CRHR2: variants seen among roughly 807,000 people sequenced by gnomAD.
CRHR2 encodes corticotropin-releasing hormone receptor 2.
Under a neutral mutation model 57.9 loss-of-function variants are expected in CRHR2, and 53 were observed. That is an observed-to-expected ratio of 0.92 (90% CI 0.73 to 1.15). The LOEUF is 1.15. CRHR2 is among the 50% of genes most tolerant of loss of function. CRHR2 has a pLI of 0.00. For synonymous variants in CRHR2, 213 were observed against 220.9 expected, an observed-to-expected ratio of 0.96 and a Z score of 0.32; for missense variants, 532 against 542.6, an observed-to-expected ratio of 0.98 and a Z score of 0.19.
chr7:30,662,588 G>A (rs1444832898), intron 6 of CRHR2, 106 bp downstream of exon 6: 5 of 1,398,300 alleles, frequency 3.6e-6, no homozygotes, highest in South Asian at 1.3e-5. Flanking sequence ...CTGCGCTGGG[G>A]GTGGAGGGCA....
intron 6 of CRHR2, 29 bp from the exon 7 acceptor site, chr7:30,662,245 G>A: frequency 6.2e-7 from 1 of 1,612,844 alleles, no homozygotes; most frequent in Non-Finnish European, 8.5e-7. Flanking sequence ...TGGGCTGCAG[G>A]GGACAGATGG....
rs1195477416 is a variant in CRHR2 at position 30,653,734 on chromosome 7, G to C, written c.1096-134C>G. On this transcript the variant is annotated intron_variant, in intron 11 of 11. Transcript: ENST00000471646. The surrounding 1 kb of genome is among the most constrained non-coding windows in gnomAD (Gnocchi z 5.0). ...CAAGGAACTGTCTGCTTCCAAAACAGGTCCTTCCCTGATGCTGTTGCCTCT... is the reference window on the plus strand; with the variant it reads ...CAAGGAACTGTCTGCTTCCAAAACACGTCCTTCCCTGATGCTGTTGCCTCT... 8.9e-7 allele frequency: 1 copy of C among 1,120,828 alleles called. No individual in the cohort carries two copies. Among genetic ancestry groups the C allele is most frequent in the Admixed American group, 3.0e-5 (1 of 33,628 alleles). The allele number at this position is 1,120,828 out of a possible 1,614,324, so 69.4% of individuals were successfully genotyped here.
At chr7:30,686,478 T>G, upstream of CRHR2, 1 of 1,520,324 alleles carries the variant, frequency 6.6e-7, no homozygotes, top group Non-Finnish European at 8.8e-7. Context: ...TGTGTGTGTG[T>G]TGCATTGAGG....
At chr7:30,661,784 G>T (rs1170776244) in intron 7 of CRHR2, among the ~76,000 whole-genome samples, 1 of 152,296 alleles carries the variant, frequency 6.6e-6, no homozygotes, top group South Asian at 2.1e-4. Context: ...AATGCTCATG[G>T]ACTCTTTAAA....
upstream of CRHR2, among the ~76,000 whole-genome samples, chr7:30,685,325 C>T (rs1227222297): frequency 6.6e-6 from 1 of 152,200 alleles, no homozygotes; most frequent in African/African-American, 2.4e-5. Context: ...CACACATTCT[C>T]TCTCTAATTC....
At chr7:30,661,739 G>C (rs535038525) in intron 7 of CRHR2, among the ~76,000 whole-genome samples, 14 of 152,244 alleles carry the variant, frequency 9.2e-5, no homozygotes, top group South Asian at 4.2e-4. Flanking sequence ...CCCAGGCAGA[G>C]ACTGAGACTT....
At position 30,653,084 on chromosome 7, in the gene CRHR2, A is replaced by G. The variant is rs1783647325; in HGVS notation, c.*376T>C. On this transcript the variant is annotated 3_prime_UTR_variant, in exon 12 of 12. Coordinates refer to ENST00000471646, the MANE Select transcript of CRHR2 (RefSeq NM_001883.5). This position sits in a 1 kb window ranked among gnomAD's most constrained non-coding sequence, Gnocchi z 5.0. ...ACACCATTGCCTGGCTGCTGGCTCC[A>G]TGAGTAGGGCAGGGGAGCCCTGTGT... The G allele has an allele frequency of 5.2e-6, 1 of 193,462 alleles. No individual in the cohort carries two copies. Among genetic ancestry groups the G allele is most frequent in the Non-Finnish European group, 1.1e-5 (1 of 93,770 alleles). The allele number at this position is 193,462 out of a possible 1,614,324, so 12.0% of individuals were successfully genotyped here.
chr7:30,686,559 A>C, upstream of CRHR2: 115 of 1,507,162 alleles, frequency 7.6e-5, no homozygotes, highest in Middle Eastern at 1.7e-4. Context: ...CCATAATCTC[A>C]GCACTTGGGG....
At chr7:30,688,492 C>T (rs1049864747) in intron 2 of CRHR2, among the ~76,000 whole-genome samples, 3 of 152,244 alleles carry the variant, frequency 2.0e-5, no homozygotes. Context: ...GGAAGGAGAA[C>T]AGGCAGCAAG....
chr7:30,668,133 C>T (rs1331031256), intron 2 of CRHR2, among the ~76,000 whole-genome samples: 1 of 152,236 alleles, frequency 6.6e-6, no homozygotes, highest in Non-Finnish European at 1.5e-5. Flanking sequence ...AAAGACATTT[C>T]AAGCAGCAAT....
At chr7:30,690,998 A>T (rs1240517471) in intron 1 of CRHR2, among the ~76,000 whole-genome samples, 1 of 151,998 alleles carries the variant, frequency 6.6e-6, no homozygotes, top group Non-Finnish European at 1.5e-5. Context: ...TGCTGTCCAC[A>T]TATCAAGGGA....
At chr7:30,654,011 C>T (rs1384628910) in intron 11 of CRHR2, among the ~76,000 whole-genome samples, 8 of 152,094 alleles carry the variant, frequency 5.3e-5, no homozygotes, top group Admixed American at 3.9e-4. Flanking sequence ...ACACCTGGTG[C>T]GCCTCCTCCT....
Position 30,655,657 on chromosome 7 carries a change from A to C in CRHR2, c.976T>G (p.Phe326Val). The change falls in exon 10 of 12, where the codon TTC (phenylalanine) becomes GTC (valine). Residue 326 changes from phenylalanine (F) to valine (V), a missense_variant. Transcript: ENST00000471646. ...LPLLGITYML[F>V]FVNPGEDDLS... Reference sequence around the variant, plus strand: ...TCGTCCTCCCCGGGATTGACGAAGAAGAGCATGTAGGTGATGCCCAGGAGG... The same window carrying C: ...TCGTCCTCCCCGGGATTGACGAAGACGAGCATGTAGGTGATGCCCAGGAGG... The C allele has an allele frequency of 6.2e-7, 1 of 1,614,176 alleles. No individual in the cohort carries two copies. Among genetic ancestry groups the C allele is most frequent in the South Asian group, 1.1e-5 (1 of 91,084 alleles).
intron 2 of CRHR2, among the ~76,000 whole-genome samples, chr7:30,679,165 A>C (rs1784616859): frequency 2.0e-5 from 3 of 152,142 alleles, no homozygotes; most frequent in Admixed American, 2.0e-4. Flanking sequence ...ACCTGCTAAA[A>C]TCCAACCTGT....
chr7:30,680,286 C>T (rs963865435), intron 2 of CRHR2, among the ~76,000 whole-genome samples: 2 of 152,158 alleles, frequency 1.3e-5, no homozygotes, highest in African/African-American at 2.4e-5. Context: ...AGTGGGTATT[C>T]CACAAATTGA....
At chr7:30,674,838 G>A (rs1211012757) in intron 2 of CRHR2, among the ~76,000 whole-genome samples, 2 of 151,998 alleles carry the variant, frequency 1.3e-5, no homozygotes, top group Admixed American at 6.5e-5. Context: ...CCCTACCCAA[G>A]GACATGATGG....
chr7:30,661,378 T>C (rs1056710712), intron 7 of CRHR2, among the ~76,000 whole-genome samples: 4 of 152,202 alleles, frequency 2.6e-5, no homozygotes, highest in Non-Finnish European at 5.9e-5. Context: ...GTTTCTGGCC[T>C]CTGCTTGGAG....
chr7:30,699,730 A>G (rs971332210), intron 1 of CRHR2: 1 of 441,860 alleles, frequency 2.3e-6, no homozygotes, highest in East Asian at 4.6e-5. Context: ...GGGATCTCCA[A>G]TTCATCATCA....
At chr7:30,676,622 C>T (rs993224327) in intron 2 of CRHR2, among the ~76,000 whole-genome samples, 1 of 152,212 alleles carries the variant, frequency 6.6e-6, no homozygotes, top group Non-Finnish European at 1.5e-5. Context: ...TTCCCGATCT[C>T]TGACTGTTGA....
Sources: gnomAD v4.1 joint callset for allele counts (sites outside exome capture counted in the v4.1 genomes callset) on GRCh38, gnomAD v4.1.1 for gene constraint, Gnocchi (gnomAD v3.1) non-coding constraint, MANE v1.5 for transcripts, NCBI Gene and HGNC (gene_info 2026-07-23, HGNC 2026-07-21) for gene names.